The following CSMD1 variants were observed in gnomAD, a reference collection of about 807,000 sequenced individuals.
CSMD1 encodes the protein CUB and sushi domain-containing protein 1.
CSMD1 carries 213 observed loss-of-function variants against 417.5 expected under a neutral mutation model. The observed-to-expected ratio is 0.51, with a 90% CI of 0.46 to 0.57. The LOEUF (loss-of-function observed/expected upper bound fraction) is 0.57. Ranked by LOEUF, CSMD1 falls within the 20% of genes least tolerant of loss-of-function variation. CSMD1 has a pLI of 0.00. For synonymous variants in CSMD1, 2,862 were observed against 1,736.8 expected, an observed-to-expected ratio of 1.65 and a Z score of -16.11; for missense variants, 6,923 against 4,529.7, an observed-to-expected ratio of 1.53 and a Z score of -15.17.
intron 3 of CSMD1, among the ~76,000 whole-genome samples, chr8:4,223,202 C>G (rs149367124): frequency 2.0e-5 from 3 of 152,068 alleles, no homozygotes; most frequent in Admixed American, 1.3e-4. Flanking sequence ...TTCTGCACCC[C>G]GAGAAAAGCC....
chr8:3,477,914 G>T (rs544929450), intron 11 of CSMD1, among the ~76,000 whole-genome samples: 49 of 152,166 alleles, frequency 3.2e-4, no homozygotes, highest in Non-Finnish European at 5.4e-4. Flanking sequence ...AAAAGAGCAG[G>T]AATCTGATTT....
At chr8:4,013,236 AT>A (rs1444926739) in intron 4 of CSMD1, among the ~76,000 whole-genome samples, 1 of 152,010 alleles carries the variant, frequency 6.6e-6, no homozygotes, top group Non-Finnish European at 1.5e-5. Flanking sequence ...CCCCTCTCCT[AT>A]CCTCTGACTG....
chr8:4,315,175 T>C (rs1229248037), intron 3 of CSMD1, among the ~76,000 whole-genome samples: 1 of 152,170 alleles, frequency 6.6e-6, no homozygotes, highest in Admixed American at 6.5e-5. Flanking sequence ...CAGATGACAC[T>C]TTCTGCCCAG....
chr8:3,865,290 G>A (rs776436943), intron 5 of CSMD1, among the ~76,000 whole-genome samples: 54 of 152,258 alleles, frequency 3.5e-4, no homozygotes, highest in Non-Finnish European at 2.8e-4. Flanking sequence ...CTCAGAGAGC[G>A]GTACTTCAAT....
At chr8:3,413,016 T>C (rs1021366104) in intron 12 of CSMD1, among the ~76,000 whole-genome samples, 9 of 152,312 alleles carry the variant, frequency 5.9e-5, no homozygotes, top group African/African-American at 2.2e-4. Context: ...TCCCCCAGTG[T>C]TTGCTGGGCC....
At chr8:3,152,707 A>G (rs1042567610) in intron 39 of CSMD1, among the ~76,000 whole-genome samples, 1 of 152,224 alleles carries the variant, frequency 6.6e-6, no homozygotes, top group Non-Finnish European at 1.5e-5. Context: ...TAATTCTGGA[A>G]AAGTCTTGGA....
At chr8:4,937,449 A>G (rs1434417500) in intron 1 of CSMD1, among the ~76,000 whole-genome samples, 2 of 152,178 alleles carry the variant, frequency 1.3e-5, no homozygotes, top group Admixed American at 1.3e-4. Context: ...ATGATGAGTA[A>G]TACTAAGGCA....
intron 1 of CSMD1, among the ~76,000 whole-genome samples, chr8:4,641,851 G>T (rs980767053): frequency 1.3e-5 from 2 of 151,562 alleles, no homozygotes; most frequent in Non-Finnish European, 2.9e-5. Flanking sequence ...CCCATTGAAG[G>T]AAAAAAAAGT....
chr8:4,438,185 A>G (rs188316918), intron 2 of CSMD1, among the ~76,000 whole-genome samples: 1 of 152,150 alleles, frequency 6.6e-6, no homozygotes, highest in Non-Finnish European at 1.5e-5. Context: ...AAAAACTCAT[A>G]AACATTGAGA....
At chr8:3,643,773 T>C (rs924749860) in intron 7 of CSMD1, among the ~76,000 whole-genome samples, 2 of 151,056 alleles carry the variant, frequency 1.3e-5, no homozygotes, top group African/African-American at 2.4e-5. Context: ...CCTAGAGTCA[T>C]TGTTCACCCA....
At chr8:3,878,407 T>C (rs1805975557) in intron 5 of CSMD1, among the ~76,000 whole-genome samples, 1 of 152,150 alleles carries the variant, frequency 6.6e-6, no homozygotes, top group Non-Finnish European at 1.5e-5. Context: ...GTCTCCCACA[T>C]TATAACAATA....
intron 4 of CSMD1, among the ~76,000 whole-genome samples, chr8:4,025,264 C>G (rs1797003033): frequency 6.6e-6 from 1 of 152,218 alleles, no homozygotes. Flanking sequence ...TGCTTCCTTT[C>G]TACCTTCTTG....
chr8:4,748,468 G>C (rs1432652604), intron 1 of CSMD1, among the ~76,000 whole-genome samples: 1 of 152,164 alleles, frequency 6.6e-6, no homozygotes, highest in Non-Finnish European at 1.5e-5. Context: ...TGAAACTCTG[G>C]AAAGTGTGGC....
Position 3,219,971 on chromosome 8 carries a change from T to C in CSMD1, c.4485-529A>G, listed in dbSNP as rs371454815. On this transcript the variant is annotated intron_variant, in intron 28 of 69. Transcript: ENST00000635120. ...TCCCAGCCTAGGTAACATAATGAGATCCTGTCTGTACAAAAATACAAAAGT... is the reference window on the plus strand; with the variant it reads ...TCCCAGCCTAGGTAACATAATGAGACCCTGTCTGTACAAAAATACAAAAGT... 1.2e-4 allele frequency among the ~76,000 whole-genome samples: 19 copies of C among 152,158 alleles called. No individual in the cohort carries two copies. In the South Asian group the frequency reaches 3.5e-3, roughly 28 times the overall value.
chr8:3,252,597 C>T (rs544469636), intron 26 of CSMD1, among the ~76,000 whole-genome samples: 1 of 152,106 alleles, frequency 6.6e-6, no homozygotes, highest in Non-Finnish European at 1.5e-5. Flanking sequence ...AGGGAGGATT[C>T]CCTCTTTTTC....
At chr8:4,575,764 G>A (rs1799107225) in intron 2 of CSMD1, among the ~76,000 whole-genome samples, 1 of 152,170 alleles carries the variant, frequency 6.6e-6, no homozygotes, top group South Asian at 2.1e-4. Context: ...TACTCCACAA[G>A]TGCTTATCAA....
chr8:4,168,481 A>G (rs543572737), intron 3 of CSMD1, among the ~76,000 whole-genome samples: 87 of 152,200 alleles, frequency 5.7e-4, no homozygotes, highest in Non-Finnish European at 9.7e-4. Context: ...ATGTGGTAAA[A>G]GTAGAAAAAA....
chr8:4,923,515 C>CACATATAT (rs1187136268), intron 1 of CSMD1, among the ~76,000 whole-genome samples: 1 of 141,742 alleles, frequency 7.1e-6, no homozygotes, highest in East Asian at 1.9e-4. Flanking sequence ...TAAATAAACA[C>CACATATAT]ACATATATAT....
Position 2,940,433 on chromosome 8 carries a change from G to C in CSMD1, c.10536-1689C>G, listed in dbSNP as rs369418183. Reference sequence around the variant, plus strand: ...GTCTTGGTGCAGTGTTAGGAAGGGAGGGAGTCCAGTTGTGATGACGACAGA... The same window carrying C: ...GTCTTGGTGCAGTGTTAGGAAGGGACGGAGTCCAGTTGTGATGACGACAGA... On this transcript the variant is annotated intron_variant, in intron 69 of 69. Transcript: ENST00000635120. 2.0e-4 allele frequency among the ~76,000 whole-genome samples: 31 copies of C among 152,290 alleles called. No homozygotes were observed. The South Asian group carries it at 5.8e-3, about 29-fold the overall frequency.
Sources: allele counts gnomAD v4.1 joint callset (sites outside exome capture counted in the v4.1 genomes callset), GRCh38; gene constraint gnomAD v4.1.1; transcripts MANE v1.5; gene names NCBI Gene and HGNC (gene_info 2026-07-23, HGNC 2026-07-21).